RAB40C: variants seen among roughly 807,000 people sequenced by gnomAD.
RAB40C encodes the protein RAB40C, member RAS oncogene family.
RAB40C carries 8 observed loss-of-function variants against 28.1 expected under a neutral mutation model. The ratio of observed to expected loss-of-function variants is 0.28; its 90% CI spans 0.17 to 0.51. The LOEUF (loss-of-function observed/expected upper bound fraction) is 0.51. Among genes scored for constraint, RAB40C ranks in the 20% least tolerant of loss-of-function variants. RAB40C has a pLI of 0.97. For missense variants in RAB40C, 288 were observed against 405.9 expected, an observed-to-expected ratio of 0.71 and a Z score of 2.50; for synonymous variants, 201 against 171.7, an observed-to-expected ratio of 1.17 and a Z score of -1.34.
Position 590,202 on chromosome 16 carries a change from C to T in RAB40C, c.-90C>T. ...GCCGCCGTGGGGCGGACGCAACGGGCGCAGGTGCGGGGCGCGGGCTCTCTC... is the reference window on the plus strand; with the variant it reads ...GCCGCCGTGGGGCGGACGCAACGGGTGCAGGTGCGGGGCGCGGGCTCTCTC... On this transcript the variant is annotated 5_prime_UTR_variant, in exon 1 of 6. Transcript: ENST00000248139. 9.9e-7 allele frequency: 1 copy of T among 1,010,150 alleles called. No individual in the cohort carries two copies. The highest frequency in any genetic ancestry group is 1.2e-6 in the Non-Finnish European group (1 of 818,136). The allele number at this position is 1,010,150 out of a possible 1,614,324, so 62.6% of individuals were successfully genotyped here.
chr16:598,127 C>T (rs1284203625), intron 1 of RAB40C, among the ~76,000 whole-genome samples: 1 of 150,990 alleles, frequency 6.6e-6, no homozygotes, highest in Admixed American at 6.6e-5. Flanking sequence ...CGCTTGTAAT[C>T]CCAGCACTTT....
intron 1 of RAB40C, among the ~76,000 whole-genome samples, chr16:598,267 A>G (rs1380783050): frequency 6.6e-6 from 1 of 151,946 alleles, no homozygotes; most frequent in South Asian, 2.1e-4. Flanking sequence ...AGTCCCAGCT[A>G]CTTGGGAGGC....
At position 601,815 on chromosome 16, in the gene RAB40C, TAAAAAAAAAAAAAA is replaced by T. The variant is rs60094426; in HGVS notation, c.142+11399_142+11412del. On this transcript the variant is annotated intron_variant, in intron 1 of 5. Coordinates refer to ENST00000248139, the MANE Select transcript of RAB40C (RefSeq NM_021168.5). ...AAGGCCCTATCCCTGCAAAAAAAAGTAAAAAAAAAAAAAAAAAAAAAAAAAAAAAAGGCCGGATG... is the reference window on the plus strand; with the variant it reads ...AAGGCCCTATCCCTGCAAAAAAAAGTAAAAAAAAAAAAAAAAGGCCGGATG... Among the ~76,000 whole-genome samples the T allele has an allele frequency of 2.9e-4, 8 of 27,198 alleles. No individual in the cohort carries two copies. The South Asian group carries it at 8.2e-3, about 28-fold the overall frequency. The allele number at this position is 27,198 out of a possible 152,430, so 17.8% of individuals were successfully genotyped here.
In RAB40C at chr16:625,242, G is replaced by C. The variant is rs1167938140; in HGVS notation, c.265-190G>C. On this transcript the variant is annotated intron_variant, in intron 3 of 5. Transcript: ENST00000248139. Reference sequence around the variant, plus strand: ...CCACCCCCCTGCTGCAGTCCTGCCAGGTGAGGGCAGGGGTGAGGGGCAGGG... The same window carrying C: ...CCACCCCCCTGCTGCAGTCCTGCCACGTGAGGGCAGGGGTGAGGGGCAGGG... 3 of 1,447,458 alleles carry C rather than the reference G, an allele frequency of 2.1e-6. No individual in the cohort carries two copies. In the African/African-American group the frequency reaches 4.2e-5, roughly 20 times the overall value. The allele number at this position is 1,447,458 out of a possible 1,614,324, so 89.7% of individuals were successfully genotyped here. A position where few individuals can be genotyped will look rare whatever the true frequency, so the allele number is the denominator to read the frequency against.
chr16:598,793 G>A (rs1401207699), intron 1 of RAB40C, among the ~76,000 whole-genome samples: 1 of 152,108 alleles, frequency 6.6e-6, no homozygotes. Context: ...GCTGAGTCCT[G>A]GAAATGGGCA....
At chr16:625,795 G>A (rs572385662) in intron 4 of RAB40C, 104 bp from the exon 5 acceptor site, 60 of 1,185,106 alleles carry the variant, frequency 5.1e-5, no homozygotes, top group Non-Finnish European at 6.7e-5. Flanking sequence ...GACCTCCCAC[G>A]GCCCTCACCC....
intron 3 of RAB40C, among the ~76,000 whole-genome samples, chr16:623,315 C>T (rs770780506): frequency 5.9e-5 from 9 of 152,218 alleles, no homozygotes; most frequent in Non-Finnish European, 1.3e-4. Flanking sequence ...ATATAAACTT[C>T]TTCAGTGTAA....
rs73485427 is a variant in RAB40C at position 617,345 on chromosome 16, C to T, written c.203+77C>T. 2.4e-4 allele frequency: 366 copies of T among 1,543,784 alleles called. No homozygotes were observed. In the African/African-American group the frequency reaches 4.2e-3, roughly 18 times the overall value. On this transcript the variant is annotated intron_variant, in intron 2 of 5. Coordinates refer to ENST00000248139, the MANE Select transcript of RAB40C (RefSeq NM_021168.5). ...AGGGAGAACAGAACCCTTAGAGAAA[C>T]AGGAAGGCGTCCTGTTTGCATTTCA... is the stretch of plus-strand genomic sequence containing the variant.
intron 5 of RAB40C, among the ~76,000 whole-genome samples, chr16:626,935 C>CA (rs1180941647): frequency 5.3e-5 from 8 of 152,144 alleles, no homozygotes; most frequent in Non-Finnish European, 1.0e-4. Flanking sequence ...AGACCCGTCT[C>CA]AAAAAACAAA....
chr16:591,311 C>T (rs1383916336), intron 1 of RAB40C, among the ~76,000 whole-genome samples: 1 of 151,184 alleles, frequency 6.6e-6, no homozygotes, highest in Non-Finnish European at 1.5e-5. Flanking sequence ...GGGAAGGTGT[C>T]ATGGGTCTGG....
At chr16:602,978 G>A (rs1401004909) in intron 1 of RAB40C, among the ~76,000 whole-genome samples, 1 of 152,160 alleles carries the variant, frequency 6.6e-6, no homozygotes, top group Non-Finnish European at 1.5e-5. Flanking sequence ...CTTAAAAGAT[G>A]GGAGAGGAGA....
chr16:617,084 T>G, intron 1 of RAB40C, 124 bp from the exon 2 acceptor site: 1 of 995,102 alleles, frequency 1.0e-6, no homozygotes, highest in Non-Finnish European at 1.6e-6. Context: ...TGGCTGAGTG[T>G]GGGGGAGCTG....
Position 590,500 on chromosome 16 carries a change from C to T in RAB40C, c.142+67C>T, listed in dbSNP as rs558058562. On this transcript the variant is annotated intron_variant, in intron 1 of 5. Transcript: ENST00000248139. ...AGCCCGGCGAGCTGGGCACGGAGCT[C>T]GCCCTCGGCCCGGCCCTTCCAAGCG... The T allele has an allele frequency of 5.9e-5, 83 of 1,413,626 alleles. No individual in the cohort carries two copies. The African/African-American group carries it at 1.2e-3, about 21-fold the overall frequency. 87.6% of individuals were successfully genotyped at this position (1,413,626 alleles called of 1,614,324 possible).
Position 613,395 on chromosome 16 carries a change from G to A in RAB40C, c.143-3813G>A, listed in dbSNP as rs114995811. Among the ~76,000 whole-genome samples the A allele has an allele frequency of 9.7e-3, 1,475 of 152,022 alleles. 20 individuals are homozygous for A. The highest frequency in any genetic ancestry group is 0.03 in the African/African-American group (1,262 of 41,450). ...TTGAAGAGCAGGGACTGCCGCCCTC[G>A]CCTGTAGAATCAAGAGCAGGACTGC... On this transcript the variant is annotated intron_variant, in intron 1 of 5. Coordinates refer to ENST00000248139, the MANE Select transcript of RAB40C (RefSeq NM_021168.5).
intron 3 of RAB40C, among the ~76,000 whole-genome samples, chr16:618,684 T>A (rs1246364155): frequency 6.6e-6 from 1 of 150,900 alleles, no homozygotes; most frequent in African/African-American, 2.5e-5. Context: ...TGGAGCTGTG[T>A]GTGTGCACAG....
At chr16:616,807 G>A (rs781402486) in intron 1 of RAB40C, 5 of 199,752 alleles carry the variant, frequency 2.5e-5, no homozygotes, top group South Asian at 1.4e-4. Flanking sequence ...CTCCAGGCAC[G>A]CTGGAGTCCA....
intron 1 of RAB40C, among the ~76,000 whole-genome samples, chr16:597,000 G>A (rs1034268353): frequency 6.6e-6 from 1 of 152,176 alleles, no homozygotes; most frequent in African/African-American, 2.4e-5. Flanking sequence ...TTAGCGGAGG[G>A]ACAAGGGCAT....
intron 1 of RAB40C, among the ~76,000 whole-genome samples, chr16:597,045 G>A (rs918201707): frequency 1.6e-4 from 25 of 152,166 alleles, no homozygotes; most frequent in African/African-American, 4.1e-4. Flanking sequence ...CATGGGTATG[G>A]GGCGGAAGAC....
intron 1 of RAB40C, among the ~76,000 whole-genome samples, chr16:613,193 A>G (rs9673273): frequency 0.2 from 23,104 of 117,688 alleles, 2,243 homozygotes; most frequent in South Asian, 0.29. Context: ...AGCCGCCCTC[A>G]CCTGTAGAAT....
Sources: allele counts gnomAD v4.1 joint callset (sites outside exome capture counted in the v4.1 genomes callset), GRCh38; gene constraint gnomAD v4.1.1; transcripts MANE v1.5; gene names NCBI Gene and HGNC (gene_info 2026-07-23, HGNC 2026-07-21).